The following PPME1 variants were observed in gnomAD, a reference collection of about 807,000 sequenced individuals.
PPME1 encodes protein phosphatase methylesterase 1, also known as testicular secretory protein Li 39.
PPME1 carries 17 observed loss-of-function variants against 56.9 expected under a neutral mutation model. That is an observed-to-expected ratio of 0.30 (90% CI 0.20 to 0.45). PPME1 has a LOEUF of 0.45. Ranked by LOEUF, PPME1 falls within the 20% of genes least tolerant of loss-of-function variation. The pLI, the probability that PPME1 is intolerant of heterozygous loss-of-function variation, is 1.00. For synonymous variants in PPME1, 122 were observed against 156.2 expected (o/e 0.78, Z 1.63); for missense variants, 357 against 483.2 (o/e 0.74, Z 2.45).
At chr11:74,239,311 G>A in intron 9 of PPME1, 55 bp downstream of exon 9, 1 of 1,581,510 alleles carries the variant, frequency 6.3e-7, no homozygotes, top group Non-Finnish European at 8.6e-7. Context: ...TTCAAACTGT[G>A]TGTGGGTGGG....
At chr11:74,227,398 G>A (rs1304111723) in intron 5 of PPME1, among the ~76,000 whole-genome samples, 12 of 151,934 alleles carry the variant, frequency 7.9e-5, no homozygotes, top group Non-Finnish European at 1.5e-5. Context: ...GAATCAAAAG[G>A]GCGAACAAAT....
intron 3 of PPME1, chr11:74,205,045 G>C (rs1003632640): frequency 1.3e-5 from 2 of 152,204 alleles, no homozygotes; most frequent in Non-Finnish European, 2.9e-5. Flanking sequence ...TTACTTCTTT[G>C]ACTAGCCTAA....
Position 74,246,064 on chromosome 11 carries a change from T to A in PPME1, c.835-12T>A. ...GCCCTCGGAGACTCAGAACTTGCTC[T>A]TATTCCTCCAGACCAAGAAAGACCA... On this transcript the variant is annotated splice_polypyrimidine_tract_variant and intron_variant, in intron 9 of 13. Transcript: ENST00000328257. 6.3e-7 allele frequency: 1 copy of A among 1,577,438 alleles called. No homozygotes were observed.
chr11:74,198,102 C>T (rs1858039557), intron 1 of PPME1, among the ~76,000 whole-genome samples: 1 of 152,142 alleles, frequency 6.6e-6, no homozygotes, highest in Non-Finnish European at 1.5e-5. Flanking sequence ...CAGTTACCTA[C>T]CAGAGTAGAT....
At chr11:74,185,502 G>C (rs1482104303) in intron 1 of PPME1, among the ~76,000 whole-genome samples, 1 of 152,076 alleles carries the variant, frequency 6.6e-6, no homozygotes, top group African/African-American at 2.4e-5. Context: ...TGCCACACAC[G>C]TTGATTTTGA....
At chr11:74,208,378 C>A (rs1858386185) in intron 3 of PPME1, among the ~76,000 whole-genome samples, 1 of 151,568 alleles carries the variant, frequency 6.6e-6, no homozygotes. Context: ...ACTTACTAAA[C>A]CCCTGCTGTG....
intron 3 of PPME1, among the ~76,000 whole-genome samples, chr11:74,214,688 GA>G (rs532768564): frequency 8.6e-4 from 120 of 139,712 alleles, no homozygotes; most frequent in East Asian, 1.7e-3. Flanking sequence ...ATGCTGAAGG[GA>G]AAAAAAAAAA....
At chr11:74,252,551 T>A in intron 13 of PPME1, 1 of 454,674 alleles carries the variant, frequency 2.2e-6, no homozygotes, top group Non-Finnish European at 4.4e-6. Flanking sequence ...TCCTGGAAGC[T>A]CTAGAGCAGG....
At chr11:74,204,007 A>G (rs1858251372) in intron 2 of PPME1, among the ~76,000 whole-genome samples, 186 bp downstream of exon 2, 1 of 152,142 alleles carries the variant, frequency 6.6e-6, no homozygotes, top group South Asian at 2.1e-4. Context: ...TCTCTAATGC[A>G]TGGAGAAGGG....
At chr11:74,214,254 T>G (rs1280070335) in intron 3 of PPME1, among the ~76,000 whole-genome samples, 1 of 152,122 alleles carries the variant, frequency 6.6e-6, no homozygotes, top group Non-Finnish European at 1.5e-5. Context: ...AGAATTAGCT[T>G]GAAGACAGGT....
chr11:74,186,520 G>A (rs1857686382), intron 1 of PPME1, among the ~76,000 whole-genome samples: 1 of 152,104 alleles, frequency 6.6e-6, no homozygotes, highest in South Asian at 2.1e-4. Flanking sequence ...AACTCCATTG[G>A]CCTTAGTTTT....
At chr11:74,247,254 G>A (rs180894714) in intron 11 of PPME1, 131 bp downstream of exon 11, 63 of 673,562 alleles carry the variant, frequency 9.4e-5, no homozygotes, top group East Asian at 6.7e-4. Flanking sequence ...TTGGACATCC[G>A]CCTCTACTCC....
intron 1 of PPME1, among the ~76,000 whole-genome samples, chr11:74,190,485 C>G (rs1284376795): frequency 1.3e-5 from 2 of 152,176 alleles, no homozygotes; most frequent in Non-Finnish European, 2.9e-5. Context: ...GAAGCCCTCA[C>G]CAGAAACAGA....
chr11:74,196,137 T>C (rs560492996), intron 1 of PPME1, among the ~76,000 whole-genome samples: 1 of 152,346 alleles, frequency 6.6e-6, no homozygotes, highest in African/African-American at 2.4e-5. Flanking sequence ...AAATGAAATT[T>C]AGACTAAAAG....
At chr11:74,242,794 G>A (rs1292366211) in intron 9 of PPME1, among the ~76,000 whole-genome samples, 7 of 144,542 alleles carry the variant, frequency 4.8e-5, no homozygotes, top group Non-Finnish European at 8.9e-5. Flanking sequence ...CAGGAGAATC[G>A]CTTGAACCCG....
In PPME1 at chr11:74,230,694, C is replaced by G; in HGVS notation, c.554-218C>G. On this transcript the variant is annotated intron_variant, in intron 6 of 13. Coordinates refer to ENST00000328257, the MANE Select transcript of PPME1 (RefSeq NM_016147.3). The surrounding 1 kb of genome is among the most constrained non-coding windows in gnomAD (Gnocchi z 4.9). Reference sequence around the variant, plus strand: ...TTCTGACCCAGCTTCAGAAGTCACACTGCTGCTTGTGAATACAAGTCATCC... The same window carrying G: ...TTCTGACCCAGCTTCAGAAGTCACAGTGCTGCTTGTGAATACAAGTCATCC... 1.7e-6 allele frequency: 1 copy of G among 600,950 alleles called. No individual in the cohort carries two copies. The highest frequency in any genetic ancestry group is 2.9e-5 in the East Asian group (1 of 34,858). 37.2% of individuals were successfully genotyped at this position (600,950 alleles called of 1,614,324 possible). A position where few individuals can be genotyped will look rare whatever the true frequency, so the allele number is the denominator to read the frequency against.
chr11:74,203,631 T>C, intron 1 of PPME1, 97 bp from the exon 2 acceptor site: 1 of 775,600 alleles, frequency 1.3e-6, no homozygotes, highest in Non-Finnish European at 2.1e-6. Flanking sequence ...ATACCTTTGC[T>C]GTTTTCATTA....
chr11:74,177,763 G>A (rs865993833), intron 1 of PPME1, among the ~76,000 whole-genome samples: 1 of 152,000 alleles, frequency 6.6e-6, no homozygotes, highest in African/African-American at 2.4e-5. Context: ...TAGAATAAAC[G>A]TTTTTATGAT....
intron 1 of PPME1, among the ~76,000 whole-genome samples, chr11:74,182,516 C>T (rs964230122): frequency 5.9e-5 from 9 of 152,026 alleles, no homozygotes; most frequent in East Asian, 1.9e-4. Flanking sequence ...TGTGCCACCA[C>T]GCCTGGCTAA....
Sources: gnomAD v4.1 joint callset for allele counts (sites outside exome capture counted in the v4.1 genomes callset) on GRCh38, gnomAD v4.1.1 for gene constraint, Gnocchi (gnomAD v3.1) non-coding constraint, MANE v1.5 for transcripts, NCBI Gene and HGNC (gene_info 2026-07-23, HGNC 2026-07-21) for gene names.